Variants in CAST observed in about 807,000 individuals in gnomAD.
CAST encodes MIR583 host.
A neutral mutation model predicts 119.6 loss-of-function variants in CAST; 76 were observed. The ratio of observed to expected loss-of-function variants is 0.64; its 90% CI spans 0.53 to 0.77. CAST has a LOEUF of 0.77. Ranked by LOEUF, CAST falls within the 30% of genes least tolerant of loss-of-function variation. CAST has a pLI of 0.00. For missense variants in CAST, 953 were observed against 946.5 expected (o/e 1.01, Z -0.09); for synonymous variants, 319 against 331.6 (o/e 0.96, Z 0.41).
the CAST span, among the ~76,000 whole-genome samples, chr5:96,481,085 T>C: frequency 6.6e-6 from 1 of 151,240 alleles, no homozygotes; most frequent in East Asian, 1.9e-4. Context: ...AATTGGCATG[T>C]GGAGAGAAAA....
At chr5:96,160,052 A>C in the CAST span, among the ~76,000 whole-genome samples, 1 of 152,018 alleles carries the variant, frequency 6.6e-6, no homozygotes, top group Non-Finnish European at 1.5e-5. Flanking sequence ...AGGCATGAGA[A>C]TCACTTGAAC....
the CAST span, among the ~76,000 whole-genome samples, chr5:96,188,922 A>G: frequency 3.9e-5 from 6 of 152,120 alleles, no homozygotes; most frequent in Non-Finnish European, 8.8e-5. Flanking sequence ...ATTGCTTCAT[A>G]TTTAGAACTT....
chr5:96,190,223 G>A, the CAST span, among the ~76,000 whole-genome samples: 3 of 152,090 alleles, frequency 2.0e-5, no homozygotes, highest in African/African-American at 7.2e-5. Context: ...CTTTTTTCAG[G>A]CAGCTCATTC....
chr5:96,598,327 C>G (rs1284212678), intron 1 of CAST, among the ~76,000 whole-genome samples: 1 of 152,178 alleles, frequency 6.6e-6, no homozygotes, highest in African/African-American at 2.4e-5. Flanking sequence ...ACAGGACCCC[C>G]AAGTCTGCCC....
the CAST span, among the ~76,000 whole-genome samples, chr5:96,284,369 C>T: frequency 6.6e-6 from 1 of 152,154 alleles, no homozygotes; most frequent in East Asian, 1.9e-4. Flanking sequence ...TGCTGGGGTG[C>T]TAATAATCAG....
the CAST span, among the ~76,000 whole-genome samples, chr5:96,309,720 C>T: frequency 7.2e-5 from 11 of 152,306 alleles, no homozygotes; most frequent in South Asian, 2.3e-3. Context: ...TTCCCTGACC[C>T]CTTGTGCTTC....
chr5:96,419,383 ATT>A, the CAST span, among the ~76,000 whole-genome samples: 1 of 119,172 alleles, frequency 8.4e-6, no homozygotes, highest in South Asian at 2.8e-4. Context: ...TATAATACTT[ATT>A]ATATATATAT....
chr5:96,389,377 ACAAT>A, the CAST span, among the ~76,000 whole-genome samples: 7 of 152,200 alleles, frequency 4.6e-5, no homozygotes, highest in African/African-American at 1.2e-4. Flanking sequence ...TTAAATATGT[ACAAT>A]CAATCAATTA....
At chr5:95,991,499 T>G in the CAST span, among the ~76,000 whole-genome samples, 370 of 74,824 alleles carry the variant, frequency 4.9e-3, no homozygotes, top group African/African-American at 0.038. Flanking sequence ...CAAGTTTTGT[T>G]TTTTTTTTTT....
At chr5:96,183,160 AAAT>A in the CAST span, among the ~76,000 whole-genome samples, 33,552 of 143,100 alleles carry the variant, frequency 0.23, 4,095 homozygotes, top group Admixed American at 0.34. Context: ...AAAATAAATA[AAAT>A]AATAATAATA....
chr5:96,468,055 CA>C, the CAST span, among the ~76,000 whole-genome samples: 43,326 of 151,668 alleles, frequency 0.29, 6,393 homozygotes, highest in East Asian at 0.46. Flanking sequence ...ACTACTCAGC[CA>C]AAAAAAGCCT....
intron 1 of CAST, among the ~76,000 whole-genome samples, chr5:96,623,962 G>A (rs533113870): frequency 1.3e-5 from 2 of 152,186 alleles, no homozygotes; most frequent in African/African-American, 4.8e-5. Flanking sequence ...CCTTCCCAAA[G>A]TGCTAGGATT....
chr5:96,110,967 A>G, the CAST span: 1 of 152,250 alleles, frequency 6.6e-6, no homozygotes, highest in Admixed American at 6.5e-5. Flanking sequence ...TCAGAGACCA[A>G]CTGGGGATCA....
chr5:96,573,329 T>G (rs1419226338), intron 1 of CAST, among the ~76,000 whole-genome samples: 1 of 152,150 alleles, frequency 6.6e-6, no homozygotes, highest in East Asian at 1.9e-4. Context: ...AGGCATAATT[T>G]ACATTAAACG....
At chr5:96,356,516 G>A in the CAST span, among the ~76,000 whole-genome samples, 1 of 152,146 alleles carries the variant, frequency 6.6e-6, no homozygotes, top group Admixed American at 6.6e-5. Context: ...TGCATAAGGT[G>A]TAAGGAAGGG....
At chr5:95,961,737 G>T in the CAST span, 2 of 1,588,594 alleles carry the variant, frequency 1.3e-6, no homozygotes, top group East Asian at 2.3e-5. Flanking sequence ...ACTCCCCGGG[G>T]TGCCGCCGCC....
chr5:96,034,826 T>A, the CAST span, among the ~76,000 whole-genome samples: 1 of 150,908 alleles, frequency 6.6e-6, no homozygotes, highest in Non-Finnish European at 1.5e-5. Flanking sequence ...TTTATAAGAT[T>A]AACATTTTTA....
the CAST span, among the ~76,000 whole-genome samples, chr5:96,082,714 A>G: frequency 1.3e-5 from 2 of 152,232 alleles, no homozygotes; most frequent in Non-Finnish European, 1.5e-5. Flanking sequence ...TAATAAAGGT[A>G]TGGACAAATC....
At chr5:96,340,368 C>T in the CAST span, among the ~76,000 whole-genome samples, 2 of 151,856 alleles carry the variant, frequency 1.3e-5, no homozygotes, top group Non-Finnish European at 2.9e-5. Flanking sequence ...TCTCCCCCTA[C>T]CCTCCCCACC....
Sources: allele counts gnomAD v4.1 joint callset (sites outside exome capture counted in the v4.1 genomes callset), GRCh38; gene constraint gnomAD v4.1.1; transcripts MANE v1.5; gene names NCBI Gene and HGNC (gene_info 2026-07-23, HGNC 2026-07-21).